Variants in MAGI2 observed in about 807,000 individuals in gnomAD.
The protein encoded by MAGI2 is membrane-associated guanylate kinase, WW and PDZ domain-containing protein 2.
A neutral mutation model predicts 133.3 loss-of-function variants in MAGI2; 35 were observed. The observed-to-expected ratio is 0.26, with a 90% CI of 0.20 to 0.35. The LOEUF (loss-of-function observed/expected upper bound fraction) is 0.35, where lower values mean the gene tolerates loss of function less well. MAGI2 is among the 10% of genes least tolerant of loss of function. The pLI is 1.00. For synonymous variants in MAGI2, 729 were observed against 710.6 expected, an observed-to-expected ratio of 1.03 and a Z score of -0.41; for missense variants, 1,636 against 1,863.4, an observed-to-expected ratio of 0.88 and a Z score of 2.25.
chr7:78,510,786 G>T (rs956577508), intron 4 of MAGI2, among the ~76,000 whole-genome samples: 1 of 152,138 alleles, frequency 6.6e-6, no homozygotes, highest in Non-Finnish European at 1.5e-5. Context: ...GGCTGCTACC[G>T]AGCTACAAAC....
At chr7:78,326,825 C>T (rs1043727096) in intron 9 of MAGI2, among the ~76,000 whole-genome samples, 2 of 152,274 alleles carry the variant, frequency 1.3e-5, no homozygotes, top group East Asian at 3.9e-4. Flanking sequence ...TTCCTTCCTC[C>T]TCCGTGGAGA....
intron 14 of MAGI2, among the ~76,000 whole-genome samples, chr7:78,169,837 A>C (rs1251226959): frequency 6.6e-6 from 1 of 152,170 alleles, no homozygotes; most frequent in Non-Finnish European, 1.5e-5. Flanking sequence ...TACAGTCCAG[A>C]AGTTGGGTAT....
At position 79,174,788 on chromosome 7, in the gene MAGI2, T is replaced by C. The variant is rs186334277; in HGVS notation, c.302-167582A>G. 9.1e-4 allele frequency among the ~76,000 whole-genome samples: 139 copies of C among 152,032 alleles called. 1 individual carries two copies. The highest frequency in any genetic ancestry group is 8.2e-3 in the Admixed American group (125 of 15,258). On this transcript the variant is annotated intron_variant, in intron 1 of 21. Transcript: ENST00000354212. ...ATAACTGAATACAAAATGTTTACTTTCAAAAAAGTAATTAATTAGACAACA... is the reference window on the plus strand; with the variant it reads ...ATAACTGAATACAAAATGTTTACTTCCAAAAAAGTAATTAATTAGACAACA...
chr7:79,364,731 C>A (rs778114194), intron 1 of MAGI2, among the ~76,000 whole-genome samples: 2 of 151,584 alleles, frequency 1.3e-5, no homozygotes, highest in Non-Finnish European at 2.9e-5. Flanking sequence ...AAGGATCTGG[C>A]AAAAAAACTG....
chr7:78,684,750 T>C (rs1816089813), intron 2 of MAGI2, among the ~76,000 whole-genome samples: 1 of 151,114 alleles, frequency 6.6e-6, no homozygotes, highest in Non-Finnish European at 1.5e-5. Context: ...GCATTTTTTT[T>C]CTCCCTAAAA....
intron 6 of MAGI2, among the ~76,000 whole-genome samples, chr7:78,423,940 T>C (rs563160215): frequency 8.1e-4 from 124 of 152,190 alleles, no homozygotes; most frequent in Non-Finnish European, 1.5e-3. Context: ...AGCCTGACAA[T>C]GTAATAGAAA....
chr7:78,600,233 G>A (rs1805051220), intron 3 of MAGI2, among the ~76,000 whole-genome samples: 1 of 151,898 alleles, frequency 6.6e-6, no homozygotes. Context: ...TGGTAATGAA[G>A]GAATTTTTAA....
chr7:78,363,396 G>A (rs1306517505), intron 7 of MAGI2, among the ~76,000 whole-genome samples: 1 of 152,110 alleles, frequency 6.6e-6, no homozygotes, highest in African/African-American at 2.4e-5. Flanking sequence ...GGGACGCTGA[G>A]GCAGGAGAAT....
chr7:78,318,541 A>T (rs568089534), intron 9 of MAGI2, among the ~76,000 whole-genome samples: 1 of 152,170 alleles, frequency 6.6e-6, no homozygotes, highest in East Asian at 1.9e-4. Flanking sequence ...GTTGGAAAAC[A>T]CTCTTCAGGA....
intron 2 of MAGI2, among the ~76,000 whole-genome samples, chr7:78,910,148 G>C (rs188572469): frequency 2.0e-5 from 3 of 152,050 alleles, no homozygotes; most frequent in South Asian, 2.1e-4. Flanking sequence ...GGTGGGTGGC[G>C]AGGGGAGGGA....
intron 1 of MAGI2, among the ~76,000 whole-genome samples, chr7:79,068,484 T>C (rs556378320): frequency 6.6e-6 from 1 of 152,328 alleles, no homozygotes; most frequent in Admixed American, 6.5e-5. Context: ...CTTCTCTTTT[T>C]TCTTCTTTAT....
At chr7:78,210,360 T>TCAAAAGATAC (rs1262363693) in intron 10 of MAGI2, among the ~76,000 whole-genome samples, 1 of 151,986 alleles carries the variant, frequency 6.6e-6, no homozygotes, top group Non-Finnish European at 1.5e-5. Flanking sequence ...AACTGATGAG[T>TCAAAAGATAC]CCCGGAGATT....
rs540035730 is a variant in MAGI2 at position 78,580,840 on chromosome 7, A to C, written c.538+46280T>G. 2.0e-5 allele frequency among the ~76,000 whole-genome samples: 3 copies of C among 152,346 alleles called. No homozygotes were observed. The South Asian group carries it at 6.2e-4, about 32-fold the overall frequency. ...TGAAATTATTTTTAAACAAAAACAT[A>C]AAGTTCTGTCTGTCCTGTCTGGGTC... is the stretch of plus-strand genomic sequence containing the variant. On this transcript the variant is annotated intron_variant, in intron 3 of 21. Transcript: ENST00000354212.
At chr7:79,006,966 A>G (rs1807513160) in intron 2 of MAGI2, 124 bp downstream of exon 2, 2 of 646,820 alleles carry the variant, frequency 3.1e-6, no homozygotes, top group Admixed American at 3.1e-5. Context: ...ATCTCAAATA[A>G]GTTTTCTGTT....
At position 79,357,363 on chromosome 7, in the gene MAGI2, A is replaced by T. The variant is rs78644401; in HGVS notation, c.301+95657T>A. On this transcript the variant is annotated intron_variant, in intron 1 of 21. Coordinates refer to ENST00000354212, the MANE Select transcript of MAGI2 (RefSeq NM_012301.4). ...GGGCTCACAGCAGAGTAAGCTGCCA[A>T]CTCAGAAAGGGCATAAATGCTGACT... is the stretch of plus-strand genomic sequence containing the variant. 8.5e-3 allele frequency among the ~76,000 whole-genome samples: 1,294 copies of T among 152,286 alleles called. 11 individuals are homozygous for T. Among genetic ancestry groups the T allele is most frequent in the African/African-American group, 0.03 (1,241 of 41,564 alleles).
intron 2 of MAGI2, among the ~76,000 whole-genome samples, chr7:78,889,563 G>A (rs1796563994): frequency 6.6e-6 from 1 of 152,120 alleles, no homozygotes. Flanking sequence ...AAGACAGTGG[G>A]GACCAATATT....
intron 21 of MAGI2, among the ~76,000 whole-genome samples, chr7:78,044,820 A>G (rs1201849868): frequency 6.6e-6 from 1 of 152,164 alleles, no homozygotes; most frequent in Admixed American, 6.5e-5. Flanking sequence ...TAAAGGCCAA[A>G]TGTGAATAGA....
At chr7:78,342,043 G>C (rs1584938615) in intron 9 of MAGI2, among the ~76,000 whole-genome samples, 2 of 151,758 alleles carry the variant, frequency 1.3e-5, no homozygotes, top group South Asian at 2.1e-4. Flanking sequence ...ATGGGAGAAA[G>C]TTTTTGCAAT....
At chr7:79,327,686 C>T (rs1415456531) in intron 1 of MAGI2, among the ~76,000 whole-genome samples, 2 of 151,934 alleles carry the variant, frequency 1.3e-5, no homozygotes, top group African/African-American at 2.4e-5. Flanking sequence ...ATTTCACACA[C>T]ACACACACTC....
Sources: gnomAD v4.1 joint callset for allele counts (sites outside exome capture counted in the v4.1 genomes callset) on GRCh38, gnomAD v4.1.1 for gene constraint, MANE v1.5 for transcripts, NCBI Gene and HGNC (gene_info 2026-07-23, HGNC 2026-07-21) for gene names.